The following PAQR5 variants were observed in gnomAD, a reference collection of about 807,000 sequenced individuals.
PAQR5 encodes the protein progestin and adipoQ receptor family member 5.
Under a neutral mutation model 34.5 loss-of-function variants are expected in PAQR5, and 20 were observed. The observed-to-expected ratio is 0.58, with a 90% CI of 0.41 to 0.84. PAQR5 has a LOEUF of 0.84. PAQR5 is among the 40% of genes least tolerant of loss of function. The pLI is 0.00. For synonymous variants in PAQR5, 131 were observed against 155.6 expected (o/e 0.84, Z 1.18); for missense variants, 378 against 412.7 (o/e 0.92, Z 0.73).
At chr15:69,354,202 G>T (rs1307737311) in intron 2 of PAQR5, among the ~76,000 whole-genome samples, 1 of 152,186 alleles carries the variant, frequency 6.6e-6, no homozygotes, top group Admixed American at 6.5e-5. Context: ...CTTACTGAAG[G>T]CAAAGAGAAT....
rs139822260 is a variant in PAQR5 at position 69,379,044 on chromosome 15, A to G, written c.52-839A>G. On this transcript the variant is annotated intron_variant, in intron 3 of 8. Coordinates refer to ENST00000395407, the MANE Select transcript of PAQR5 (RefSeq NM_017705.4). ...AACAAATTAAACACTTCACTTTTCT[A>G]TGTTCCTCCCAGCCTCTGCCCCATG... 2.8e-3 allele frequency among the ~76,000 whole-genome samples: 428 copies of G among 152,282 alleles called. 2 individuals are homozygous for G. Among genetic ancestry groups the G allele is most frequent in the African/African-American group, 7.9e-3 (330 of 41,556 alleles).
chr15:69,384,217 G>A (rs1053697102), intron 4 of PAQR5, among the ~76,000 whole-genome samples: 4 of 144,094 alleles, frequency 2.8e-5, no homozygotes, highest in African/African-American at 5.2e-5. Context: ...GGGGCCCTCC[G>A]TGTTCATGGT....
At chr15:69,390,320 T>TTA (rs2056222879) in intron 6 of PAQR5, among the ~76,000 whole-genome samples, 2 of 133,370 alleles carry the variant, frequency 1.5e-5, no homozygotes, top group African/African-American at 5.4e-5. Flanking sequence ...CTGACCTGTT[T>TTA]TTTATTTATT....
intron 3 of PAQR5, among the ~76,000 whole-genome samples, chr15:69,362,308 G>T (rs7166274): frequency 0.95 from 144,368 of 152,266 alleles, 68,927 homozygotes; most frequent in South Asian, 1. Context: ...TTCAAAATCT[G>T]CCTTGGGCTC....
intron 3 of PAQR5, among the ~76,000 whole-genome samples, chr15:69,361,031 C>A (rs1425644278): frequency 6.6e-6 from 1 of 152,140 alleles, no homozygotes; most frequent in African/African-American, 2.4e-5. Context: ...GGGGGAAAAC[C>A]GTAAGTGGTG....
At chr15:69,326,753 G>A (rs1175021898) in intron 1 of PAQR5, among the ~76,000 whole-genome samples, 1 of 151,950 alleles carries the variant, frequency 6.6e-6, no homozygotes, top group Non-Finnish European at 1.5e-5. Context: ...TTTCTTAATA[G>A]ACTTTATGTT....
At chr15:69,299,764 C>T in intron 1 of PAQR5, among the ~76,000 whole-genome samples, 1 of 152,198 alleles carries the variant, frequency 6.6e-6, no homozygotes, top group East Asian at 1.9e-4. Context: ...TATCCGTGAG[C>T]AGAACCGGCT....
At chr15:69,346,648 A>G (rs534946130) in intron 2 of PAQR5, among the ~76,000 whole-genome samples, 70 of 145,204 alleles carry the variant, frequency 4.8e-4, no homozygotes, top group African/African-American at 1.6e-3. Context: ...TGAGTACACA[A>G]TTTTACTCTG....
At chr15:69,356,057 A>G (rs2055069110) in intron 2 of PAQR5, among the ~76,000 whole-genome samples, 2 of 152,184 alleles carry the variant, frequency 1.3e-5, no homozygotes, top group South Asian at 4.1e-4. Flanking sequence ...TTATTTTTGC[A>G]TGGCTAATAT....
chr15:69,303,599 ATCAG>A (rs1374765200), intron 1 of PAQR5, among the ~76,000 whole-genome samples: 3 of 112,050 alleles, frequency 2.7e-5, no homozygotes, highest in African/African-American at 5.0e-5. Flanking sequence ...CAATCAATCA[ATCAG>A]TCAGTCAATC....
chr15:69,402,424 T>C (rs2056661376), intron 8 of PAQR5, among the ~76,000 whole-genome samples: 1 of 151,960 alleles, frequency 6.6e-6, no homozygotes, highest in East Asian at 1.9e-4. Flanking sequence ...TTCACGCCAT[T>C]CTCCTGCCTC....
intron 6 of PAQR5, among the ~76,000 whole-genome samples, chr15:69,395,208 C>G (rs2056386003): frequency 6.6e-6 from 1 of 152,156 alleles, no homozygotes; most frequent in East Asian, 1.9e-4. Context: ...AGATACCTGG[C>G]TCTCGGGATA....
intron 3 of PAQR5, among the ~76,000 whole-genome samples, chr15:69,365,015 C>T (rs1049933936): frequency 5.3e-5 from 8 of 151,746 alleles, no homozygotes; most frequent in East Asian, 1.9e-4. Flanking sequence ...GGATTACAGG[C>T]GTGAGCCACC....
At chr15:69,314,942 G>T (rs1023262022) in intron 1 of PAQR5, 8 of 154,770 alleles carry the variant, frequency 5.2e-5, no homozygotes, top group Non-Finnish European at 7.1e-5. Context: ...GTCTGATTGT[G>T]CCTTCAGTAT....
At chr15:69,347,401 A>G (rs1196599253) in intron 2 of PAQR5, among the ~76,000 whole-genome samples, 1 of 152,212 alleles carries the variant, frequency 6.6e-6, no homozygotes. Context: ...ATTAAGTCCT[A>G]GTGTCTGCTA....
Position 69,322,832 on chromosome 15 carries a change from A to AGAAGAAGAAGAAGAG in PAQR5, c.-276-14504_-276-14503insAGAAGAAGAGGAAGA, listed in dbSNP as rs1297952069. On this transcript the variant is annotated intron_variant, in intron 1 of 8. Transcript: ENST00000395407. ...AAGAGGAAGAAGAAGAAGAAGAAGA[A>AGAAGAAGAAGAAGAG]GAAGAGGAAGAAGAAGAGGAATTAT... Among the ~76,000 whole-genome samples the AGAAGAAGAAGAAGAG allele has an allele frequency of 2.6e-3, 203 of 78,526 alleles. 49 individuals carry two copies. Among genetic ancestry groups the AGAAGAAGAAGAAGAG allele is most frequent in the Non-Finnish European group, 4.8e-3 (141 of 29,362 alleles). The allele number at this position is 78,526 out of a possible 152,430, so 51.5% of individuals were successfully genotyped here. A position where few individuals can be genotyped will look rare whatever the true frequency, so the allele number is the denominator to read the frequency against.
chr15:69,322,808 A>C (rs1566998168), intron 1 of PAQR5, among the ~76,000 whole-genome samples: 2 of 131,448 alleles, frequency 1.5e-5, no homozygotes, highest in African/African-American at 6.2e-5. Flanking sequence ...AAGAAGAGGA[A>C]GAGGAAGAAG....
chr15:69,306,413 T>TC (rs1491334075), intron 1 of PAQR5, among the ~76,000 whole-genome samples: 3 of 25,560 alleles, frequency 1.2e-4, no homozygotes, highest in Non-Finnish European at 3.6e-4. Context: ...CCATTTAACC[T>TC]TTTTTTTTTT....
intron 1 of PAQR5, among the ~76,000 whole-genome samples, chr15:69,322,074 T>TATTTTCTTGTTTGAACATAAAG (rs1364000812): frequency 6.6e-6 from 1 of 151,078 alleles, no homozygotes. Flanking sequence ...GACTGGTGGC[T>TATTTTCTTGTTTGAACATAAAG]TATGCCTGTA....
Sources: allele counts gnomAD v4.1 joint callset (sites outside exome capture counted in the v4.1 genomes callset), GRCh38; gene constraint gnomAD v4.1.1; transcripts MANE v1.5; gene names NCBI Gene and HGNC (gene_info 2026-07-23, HGNC 2026-07-21).